UBE2QL1: variants seen among roughly 807,000 people sequenced by gnomAD.
The protein encoded by UBE2QL1 is ubiquitin conjugating enzyme E2 QL1.
A neutral mutation model predicts 12.6 loss-of-function variants in UBE2QL1; 5 were observed. The observed-to-expected ratio is 0.40, with a 90% confidence interval of 0.21 to 0.83. The LOEUF is 0.83. Ranked by LOEUF, UBE2QL1 falls within the 40% of genes least tolerant of loss-of-function variation. UBE2QL1 has a pLI of 0.37. For synonymous variants in UBE2QL1, 96 were observed against 94.5 expected (o/e 1.02, Z -0.10); for missense variants, 99 against 222.6 (o/e 0.44, Z 3.53).
intron 1 of UBE2QL1, among the ~76,000 whole-genome samples, chr5:6,488,084 G>T (rs188320338): frequency 6.6e-6 from 1 of 152,236 alleles, no homozygotes; most frequent in Non-Finnish European, 1.5e-5. Context: ...GACAGGAGAT[G>T]CGATGAGAGC....
In UBE2QL1 at chr5:6,465,340, A is replaced by G. The variant is rs190936555; in HGVS notation, c.354+16093A>G. Among the ~76,000 whole-genome samples, 131 of 152,362 alleles carry G rather than the reference A, an allele frequency of 8.6e-4. 1 individual carries two copies. The highest frequency in any genetic ancestry group is 3.0e-3 in the African/African-American group (124 of 41,578). Reference sequence around the variant, plus strand: ...AGCAACAACAAATATTTAGAATTACATAATTAAGCAGAGTTAGGAAACAGA... The same window carrying G: ...AGCAACAACAAATATTTAGAATTACGTAATTAAGCAGAGTTAGGAAACAGA... On this transcript the variant is annotated intron_variant, in intron 1 of 1. Coordinates refer to ENST00000399816, the MANE Select transcript of UBE2QL1 (RefSeq NM_001145161.3).
In UBE2QL1 at chr5:6,493,662, G is replaced by A. The variant is rs969225244; in HGVS notation, c.*2313G>A. The A allele has an allele frequency of 2.0e-5, 3 of 152,206 alleles. No homozygotes were observed. The highest frequency in any genetic ancestry group is 2.9e-5 in the Non-Finnish European group (2 of 68,044). The allele number at this position is 152,206 out of a possible 1,614,324, so 9.4% of individuals were successfully genotyped here. The stretch of plus-strand genomic sequence containing the variant: ...AGAAGAAATCAATTCTTTAGTGAAC[G>A]AAATACCATTTTTCACTCAATTGGT... On this transcript the variant is annotated 3_prime_UTR_variant, in exon 2 of 2. Transcript: ENST00000399816.
Position 6,492,411 on chromosome 5 carries a change from CT to C in UBE2QL1, c.*1064del, listed in dbSNP as rs1321373774. 1 of 142,276 alleles carries C rather than the reference CT, an allele frequency of 7.0e-6. No homozygotes were observed. Among genetic ancestry groups the C allele is most frequent in the Non-Finnish European group, 1.5e-5 (1 of 67,682 alleles). The allele number at this position is 142,276 out of a possible 1,614,324, so 8.8% of individuals were successfully genotyped here. On this transcript the variant is annotated 3_prime_UTR_variant, in exon 2 of 2. Coordinates refer to ENST00000399816, the MANE Select transcript of UBE2QL1 (RefSeq NM_001145161.3). ...GTGAGCACCCTTGCTGTGGTGTAAA[CT>C]TCCTGTTATTTAATCTCCCCCACGG...
At chr5:6,469,587 T>C (rs933099386) in intron 1 of UBE2QL1, among the ~76,000 whole-genome samples, 2 of 148,696 alleles carry the variant, frequency 1.3e-5, no homozygotes, top group South Asian at 2.1e-4. Flanking sequence ...TGTATATATA[T>C]ACACACACAC....
At chr5:6,466,941 G>A (rs1358103689) in intron 1 of UBE2QL1, among the ~76,000 whole-genome samples, 1 of 152,186 alleles carries the variant, frequency 6.6e-6, no homozygotes, top group Non-Finnish European at 1.5e-5. Flanking sequence ...GAGTCAAGAG[G>A]CACTAAATGG....
intron 1 of UBE2QL1, among the ~76,000 whole-genome samples, chr5:6,453,127 C>T (rs1739442724): frequency 6.6e-6 from 1 of 152,174 alleles, no homozygotes; most frequent in Non-Finnish European, 1.5e-5. Context: ...AAACTCTGGG[C>T]CAGCAGAGAA....
rs1415352242 is a variant in UBE2QL1 at position 6,476,596 on chromosome 5, C to T, written c.355-14622C>T. On this transcript the variant is annotated intron_variant, in intron 1 of 1. Coordinates refer to ENST00000399816, the MANE Select transcript of UBE2QL1 (RefSeq NM_001145161.3). This position sits in a 1 kb window ranked among gnomAD's most constrained non-coding sequence, Gnocchi z 4.9. The stretch of plus-strand genomic sequence containing the variant: ...ACCCCTCAGGTGTACACTATTTTAC[C>T]TGCTCCTAAGCTTACTATATAATAT... 6.6e-6 allele frequency among the ~76,000 whole-genome samples: 1 copy of T among 152,170 alleles called. No individual in the cohort carries two copies. Among genetic ancestry groups the T allele is most frequent in the Non-Finnish European group, 1.5e-5 (1 of 68,022 alleles).
At chr5:6,486,130 T>C (rs1734462670) in intron 1 of UBE2QL1, among the ~76,000 whole-genome samples, 1 of 152,198 alleles carries the variant, frequency 6.6e-6, no homozygotes, top group Admixed American at 6.5e-5. Context: ...CATATTAAAT[T>C]CTTATAGAAT....
rs191304984 is a variant in UBE2QL1 at position 6,470,893 on chromosome 5, C to T, written c.355-20325C>T. 2.6e-4 allele frequency among the ~76,000 whole-genome samples: 39 copies of T among 152,290 alleles called. No individual in the cohort carries two copies. In the East Asian group the frequency reaches 7.1e-3, roughly 28 times the overall value. On this transcript the variant is annotated intron_variant, in intron 1 of 1. Coordinates refer to ENST00000399816, the MANE Select transcript of UBE2QL1 (RefSeq NM_001145161.3). The stretch of plus-strand genomic sequence containing the variant: ...ATTGGATACAGTGCTGCCAAATTGC[C>T]CTTCAGAAAGGTTACCCCAGGTTAC...
intron 1 of UBE2QL1, among the ~76,000 whole-genome samples, chr5:6,461,249 C>T (rs1416694012): frequency 6.6e-6 from 1 of 152,138 alleles, no homozygotes; most frequent in Non-Finnish European, 1.5e-5. Context: ...ACTGGTCAGT[C>T]AACTGAGGCC....
intron 1 of UBE2QL1, among the ~76,000 whole-genome samples, chr5:6,460,156 C>A (rs1739621373): frequency 6.6e-6 from 1 of 152,186 alleles, no homozygotes; most frequent in South Asian, 2.1e-4. Flanking sequence ...CAGCGCCTTA[C>A]CCCTTCTGAG....
At chr5:6,486,345 CA>C (rs1462782655) in intron 1 of UBE2QL1, among the ~76,000 whole-genome samples, 1 of 151,808 alleles carries the variant, frequency 6.6e-6, no homozygotes, top group Admixed American at 6.6e-5. Flanking sequence ...CACACAAACA[CA>C]CACACACACT....
At position 6,496,320 on chromosome 5, in the gene UBE2QL1, A is replaced by G. The variant is rs1734663771; in HGVS notation, c.*4971A>G. On this transcript the variant is annotated 3_prime_UTR_variant, in exon 2 of 2. Transcript: ENST00000399816. Reference sequence around the variant, plus strand: ...TCTAGACCTTGGGCAGTCACTGGTGATGACACTAATTGAACTAACACAGAA... The same window carrying G: ...TCTAGACCTTGGGCAGTCACTGGTGGTGACACTAATTGAACTAACACAGAA... 6.6e-6 allele frequency among the ~76,000 whole-genome samples: 1 copy of G among 152,214 alleles called. No individual in the cohort carries two copies. The highest frequency in any genetic ancestry group is 2.1e-4 in the South Asian group (1 of 4,824).
intron 1 of UBE2QL1, among the ~76,000 whole-genome samples, chr5:6,487,257 A>G (rs1234619036): frequency 2.0e-5 from 3 of 152,212 alleles, no homozygotes; most frequent in Non-Finnish European, 2.9e-5. Flanking sequence ...CATCATTGCT[A>G]TTGGCCCTCA....
At position 6,496,600 on chromosome 5, in the gene UBE2QL1, G is replaced by A. The variant is rs1734667076; in HGVS notation, c.*5251G>A. 6.6e-6 allele frequency among the ~76,000 whole-genome samples: 1 copy of A among 152,076 alleles called. No individual in the cohort carries two copies. The highest frequency in any genetic ancestry group is 1.5e-5 in the Non-Finnish European group (1 of 68,016). On this transcript the variant is annotated 3_prime_UTR_variant, in exon 2 of 2. Coordinates refer to ENST00000399816, the MANE Select transcript of UBE2QL1 (RefSeq NM_001145161.3). ...TGGCATAAATCAACAGGAAAGAAAT[G>A]TTTACCACTGGAAGATGGTGAGTGC...
chr5:6,489,870 C>T (rs891639265), intron 1 of UBE2QL1, among the ~76,000 whole-genome samples: 1 of 152,192 alleles, frequency 6.6e-6, no homozygotes, highest in Non-Finnish European at 1.5e-5. Context: ...GGTGGGGAGG[C>T]CTGGTCCCCA....
chr5:6,451,245 G>A (rs368650195), intron 1 of UBE2QL1, among the ~76,000 whole-genome samples: 4 of 46,434 alleles, frequency 8.6e-5, no homozygotes, highest in Non-Finnish European at 2.2e-4. Flanking sequence ...ATGAGAAATG[G>A]GGATTTTTTT....
intron 1 of UBE2QL1, among the ~76,000 whole-genome samples, chr5:6,463,635 TTATTA>T (rs1448744086): frequency 2.7e-5 from 4 of 146,602 alleles, no homozygotes; most frequent in African/African-American, 1.0e-4. Flanking sequence ...ATTATTATTA[TTATTA>T]TTTTTGATGC....
chr5:6,491,868 T>A lies in UBE2QL1; in HGVS notation c.*519T>A, dbSNP rs1475026246. 6.5e-6 allele frequency: 1 copy of A among 152,918 alleles called. No individual in the cohort carries two copies. Among genetic ancestry groups the A allele is most frequent in the Non-Finnish European group, 1.5e-5 (1 of 68,566 alleles). 9.5% of individuals were successfully genotyped at this position (152,918 alleles called of 1,614,324 possible). On this transcript the variant is annotated 3_prime_UTR_variant, in exon 2 of 2. Coordinates refer to ENST00000399816, the MANE Select transcript of UBE2QL1 (RefSeq NM_001145161.3). ...TGAAAATGTGTCTTTCTGTGGCCCA[T>A]GGTCCGCTGTGATGACATTTAGACC...
Sources: allele counts gnomAD v4.1 joint callset (sites outside exome capture counted in the v4.1 genomes callset), GRCh38; gene constraint gnomAD v4.1.1; non-coding constraint Gnocchi (gnomAD v3.1); transcripts MANE v1.5; gene names NCBI Gene and HGNC (gene_info 2026-07-23, HGNC 2026-07-21).